The following GLIS3 variants were observed in gnomAD, a reference collection of about 807,000 sequenced individuals.
GLIS3 encodes the protein GLIS family zinc finger 3.
GLIS3 carries 53 observed loss-of-function variants against 78.6 expected under a neutral mutation model. The ratio of observed to expected loss-of-function variants is 0.67; its 90% CI spans 0.54 to 0.85. GLIS3 has a LOEUF of 0.85. Among genes scored for constraint, GLIS3 ranks in the 40% least tolerant of loss-of-function variants. The pLI is 0.00. For missense variants in GLIS3, 1,703 were observed against 1,231.1 expected, an observed-to-expected ratio of 1.38 and a Z score of -5.74; for synonymous variants, 684 against 509.9, an observed-to-expected ratio of 1.34 and a Z score of -4.60.
the GLIS3 span, among the ~76,000 whole-genome samples, chr9:4,413,917 G>C: frequency 6.6e-6 from 1 of 152,108 alleles, no homozygotes; most frequent in Non-Finnish European, 1.5e-5. Flanking sequence ...AACTTCACCA[G>C]CTTATGGAAT....
At chr9:3,914,141 TTTC>T (rs1824336129) in intron 6 of GLIS3, among the ~76,000 whole-genome samples, 1 of 2,302 alleles carries the variant, frequency 4.3e-4, no homozygotes, top group South Asian at 7.1e-3. Context: ...GGGTAGTTTC[TTTC>T]TTTCTTTCTC....
At position 4,329,947 on chromosome 9, in the gene GLIS3, G is replaced by A. The variant is rs549193311; in HGVS notation, n.264+17134C>T. 8.8e-4 allele frequency among the ~76,000 whole-genome samples: 134 copies of A among 152,038 alleles called. 1 individual carries two copies. Among genetic ancestry groups the A allele is most frequent in the African/African-American group, 3.0e-3 (125 of 41,360 alleles). On this transcript the variant is annotated intron_variant and non_coding_transcript_variant, in intron 2 of 4. Coordinates refer to the GLIS3 transcript ENST00000471664. ...GCAGCATGATATTATATTTATTTTA[G>A]TGTATCAATTAATTTCAATTAATCT...
At chr9:4,472,338 C>A in the GLIS3 span, among the ~76,000 whole-genome samples, 49,789 of 152,036 alleles carry the variant, frequency 0.33, 9,601 homozygotes, top group Middle Eastern at 0.48. Context: ...TTCACAATAG[C>A]AAAGACTTGG....
chr9:4,286,294 G>C lies in GLIS3; in HGVS notation c.132C>G (p.Gly44=). The C allele has an allele frequency of 6.2e-7, 1 of 1,614,240 alleles. No individual in the cohort carries two copies. The highest frequency in any genetic ancestry group is 1.6e-4 in the Middle Eastern group (1 of 6,062). Residue 44 remains glycine (G), a synonymous_variant, in exon 2 of 11, where the codon GGC becomes GGG. Coordinates refer to ENST00000381971, the MANE Select transcript of GLIS3 (RefSeq NM_001042413.2). ...TTGCCATAGTGGGACTCGATGTGCT[G>C]CCACAGGGCGAGGGGCCAGGAGTCC... ...HSGTPGPSPC[G]STSSPTMASL... is the part of the protein sequence containing the mutation.
the GLIS3 span, among the ~76,000 whole-genome samples, chr9:4,401,214 C>T: frequency 3.3e-5 from 5 of 152,088 alleles, no homozygotes; most frequent in Non-Finnish European, 5.9e-5. Flanking sequence ...GGCCTGGCAG[C>T]ATTAACCATG....
chr9:3,920,042 T>C lies in GLIS3; in HGVS notation c.1983+12318A>G, dbSNP rs563366180. Among the ~76,000 whole-genome samples the C allele has an allele frequency of 3.0e-3, 441 of 147,340 alleles. 1 individual carries two copies. Among genetic ancestry groups the C allele is most frequent in the African/African-American group, 9.5e-3 (377 of 39,860 alleles). ...TTTTTGAGACAGAGTCTCACTCTGT[T>C]GCCCAGGCTGGAGTGCAGTGGCACG... On this transcript the variant is annotated intron_variant, in intron 6 of 10. Transcript: ENST00000381971.
intron 2 of GLIS3, among the ~76,000 whole-genome samples, chr9:4,209,740 G>A (rs1183720941): frequency 1.3e-5 from 2 of 152,034 alleles, no homozygotes; most frequent in Admixed American, 6.5e-5. Flanking sequence ...TCTTTGTTGT[G>A]GGGGTTATTC....
the GLIS3 span, among the ~76,000 whole-genome samples, chr9:4,401,669 G>A: frequency 0.017 from 2,531 of 151,658 alleles, 78 homozygotes; most frequent in African/African-American, 0.058. Flanking sequence ...CTGGGTTCAA[G>A]CGATTCTCAT....
the GLIS3 span, among the ~76,000 whole-genome samples, chr9:4,428,483 CA>C: frequency 0.052 from 2,524 of 48,416 alleles, 18 homozygotes; most frequent in Middle Eastern, 0.11. Context: ...GACTCTGTCT[CA>C]AAAAAAAAAA....
chr9:3,837,026 G>A (rs1305268369), intron 9 of GLIS3, among the ~76,000 whole-genome samples: 1 of 152,092 alleles, frequency 6.6e-6, no homozygotes, highest in Non-Finnish European at 1.5e-5. Flanking sequence ...TATGCCTCTG[G>A]GCTGCTTTAC....
At chr9:4,099,771 A>G (rs949148169) in intron 4 of GLIS3, among the ~76,000 whole-genome samples, 2 of 152,232 alleles carry the variant, frequency 1.3e-5, no homozygotes, top group South Asian at 2.1e-4. Flanking sequence ...GAGAAATATC[A>G]TATTTTAAAA....
At chr9:3,853,561 C>T (rs1023865009) in intron 9 of GLIS3, among the ~76,000 whole-genome samples, 15 of 152,136 alleles carry the variant, frequency 9.9e-5, no homozygotes, top group African/African-American at 3.6e-4. Context: ...TACTCTGTGC[C>T]AGGTGCTTTT....
At position 4,053,705 on chromosome 9, in the gene GLIS3, T is replaced by TAAAAAAAAAAAAAAAAAA. The variant is rs760535978; in HGVS notation, c.1710+64045_1710+64062dup. Among the ~76,000 whole-genome samples the TAAAAAAAAAAAAAAAAAA allele has an allele frequency of 6.7e-4, 61 of 91,098 alleles. 2 individuals carry two copies. Among genetic ancestry groups the TAAAAAAAAAAAAAAAAAA allele is most frequent in the East Asian group, 1.8e-3 (5 of 2,710 alleles). The allele number at this position is 91,098 out of a possible 152,430, so 59.8% of individuals were successfully genotyped here. ...AGTGCCTACTTGTTTTCTTTCTTCA[T>TAAAAAAAAAAAAAAAAAA]AAAAAAAAAAAAAAAAAATTCTGGA... On this transcript the variant is annotated intron_variant, in intron 4 of 10. Coordinates refer to ENST00000381971, the MANE Select transcript of GLIS3 (RefSeq NM_001042413.2).
At chr9:3,900,592 T>C (rs1322650363) in intron 6 of GLIS3, among the ~76,000 whole-genome samples, 1 of 152,184 alleles carries the variant, frequency 6.6e-6, no homozygotes, top group Non-Finnish European at 1.5e-5. Context: ...CAAATAGGGC[T>C]AATCAATGAT....
chr9:4,328,831 G>C (rs954662536), intron 2 of GLIS3, among the ~76,000 whole-genome samples: 2 of 152,152 alleles, frequency 1.3e-5, no homozygotes, highest in African/African-American at 2.4e-5. Context: ...ATCAGTGCCC[G>C]GCACGTGACA....
intron 9 of GLIS3, among the ~76,000 whole-genome samples, chr9:3,838,149 A>G (rs975404530): frequency 5.3e-5 from 8 of 152,342 alleles, no homozygotes; most frequent in Non-Finnish European, 7.3e-5. Context: ...CCATGAAGGC[A>G]GACACCTTGT....
upstream of GLIS3, among the ~76,000 whole-genome samples, chr9:4,353,342 G>C (rs1817998631): frequency 6.6e-6 from 1 of 152,134 alleles, no homozygotes; most frequent in African/African-American, 2.4e-5. Flanking sequence ...ATCTGATTTT[G>C]TGAAGTCTCG....
At chr9:4,059,101 C>T (rs7864480) in intron 4 of GLIS3, among the ~76,000 whole-genome samples, 51,106 of 151,986 alleles carry the variant, frequency 0.34, 9,323 homozygotes, top group East Asian at 0.62. Flanking sequence ...CTGAGTGTTA[C>T]TGCAGCTTTA....
At chr9:3,842,324 T>C (rs1048820875) in intron 9 of GLIS3, among the ~76,000 whole-genome samples, 5 of 152,094 alleles carry the variant, frequency 3.3e-5, no homozygotes, top group African/African-American at 1.2e-4. Context: ...CTACAAAAAT[T>C]AGTCTGGTAT....
Sources: gnomAD v4.1 joint callset for allele counts (sites outside exome capture counted in the v4.1 genomes callset) on GRCh38, gnomAD v4.1.1 for gene constraint, MANE v1.5 for transcripts, NCBI Gene and HGNC (gene_info 2026-07-23, HGNC 2026-07-21) for gene names.